MSI2: variants seen among roughly 807,000 people sequenced by gnomAD.
MSI2 encodes RNA-binding protein Musashi homolog 2.
Under a neutral mutation model 45.6 loss-of-function variants are expected in MSI2, and 17 were observed. The observed-to-expected ratio is 0.37, with a 90% CI of 0.26 to 0.56. The LOEUF is 0.56. Among genes scored for constraint, MSI2 ranks in the 20% least tolerant of loss-of-function variants. MSI2 has a pLI of 0.77. For missense variants in MSI2, 293 were observed against 444.2 expected (o/e 0.66, Z 3.06); for synonymous variants, 156 against 158.2 (o/e 0.99, Z 0.11).
At chr17:57,428,258 C>T (rs2084530934) in intron 6 of MSI2, among the ~76,000 whole-genome samples, 1 of 152,204 alleles carries the variant, frequency 6.6e-6, no homozygotes, top group African/African-American at 2.4e-5. Context: ...AGGTCTTACT[C>T]TGTCACCCAG....
intron 5 of MSI2, among the ~76,000 whole-genome samples, chr17:57,377,345 T>C (rs1366049858): frequency 6.6e-6 from 1 of 152,364 alleles, no homozygotes; most frequent in East Asian, 1.9e-4. Flanking sequence ...ATCCACTTCT[T>C]TCCTTAGATA....
At chr17:57,341,559 G>A (rs78749615) in intron 5 of MSI2, among the ~76,000 whole-genome samples, 1,967 of 152,274 alleles carry the variant, frequency 0.013, 43 homozygotes, top group African/African-American at 0.045. Context: ...CTGCCAAGGT[G>A]AGCCCTCCTC....
rs116950863 is a variant in MSI2, at chr17:57,370,570, T to C, written c.313-30809T>C. 7.9e-3 allele frequency among the ~76,000 whole-genome samples: 1,198 copies of C among 152,312 alleles called. 5 individuals are homozygous for C. Among genetic ancestry groups the C allele is most frequent in the Non-Finnish European group, 0.014 (969 of 68,030 alleles). On this transcript the variant is annotated intron_variant, in intron 5 of 13. Coordinates refer to ENST00000284073, the MANE Select transcript of MSI2 (RefSeq NM_138962.4). ...AGTCCTAAGACTGGAATGAGACTCC[T>C]GGGATTCAATGATGGCCAGTTGACC...
At chr17:57,402,138 C>T (rs935279482) in intron 6 of MSI2, among the ~76,000 whole-genome samples, 15 of 152,094 alleles carry the variant, frequency 9.9e-5, no homozygotes, top group African/African-American at 3.1e-4. Context: ...GACATGTCAC[C>T]GTGGGTGAGG....
At chr17:57,668,711 G>T (rs1382448882) in intron 11 of MSI2, among the ~76,000 whole-genome samples, 2 of 152,174 alleles carry the variant, frequency 1.3e-5, no homozygotes, top group African/African-American at 4.8e-5. Flanking sequence ...GGCTGCGTTT[G>T]TACCTCTCAG....
chr17:57,443,656 C>T (rs2084842741), intron 6 of MSI2, among the ~76,000 whole-genome samples: 1 of 152,280 alleles, frequency 6.6e-6, no homozygotes, highest in Non-Finnish European at 1.5e-5. Flanking sequence ...CTCCTCCCTG[C>T]CCCCTGAATG....
In MSI2 at chr17:57,529,607, A is replaced by C; in HGVS notation, c.406-69A>C. On this transcript the variant is annotated intron_variant, in intron 6 of 13. Coordinates refer to ENST00000284073, the MANE Select transcript of MSI2 (RefSeq NM_138962.4). This position sits in a 1 kb window ranked among gnomAD's most constrained non-coding sequence, Gnocchi z 5.3. ...GGAAACTACCCCCTCACCCCCCGAC[A>C]TGCATATAATGTTTTGTGTACTTTC... 1 of 1,390,798 alleles carries C rather than the reference A, an allele frequency of 7.2e-7. No individual in the cohort carries two copies. The highest frequency in any genetic ancestry group is 1.0e-6 in the Non-Finnish European group (1 of 982,576). The allele number at this position is 1,390,798 out of a possible 1,614,324, so 86.2% of individuals were successfully genotyped here.
At chr17:57,491,748 G>T (rs1225778932) in intron 6 of MSI2, among the ~76,000 whole-genome samples, 1 of 152,060 alleles carries the variant, frequency 6.6e-6, no homozygotes, top group Non-Finnish European at 1.5e-5. Flanking sequence ...TGATGATGAT[G>T]ATTTTTTCAA....
At chr17:57,425,642 A>G (rs963904885) in intron 6 of MSI2, among the ~76,000 whole-genome samples, 4 of 152,156 alleles carry the variant, frequency 2.6e-5, no homozygotes, top group Admixed American at 6.5e-5. Flanking sequence ...CTTAGTTAGG[A>G]TCATTTAGGT....
rs1910497859 is a variant in MSI2, at chr17:57,644,416, C to T, written c.728-7683C>T. Among the ~76,000 whole-genome samples the T allele has an allele frequency of 2.6e-5, 4 of 152,040 alleles. No homozygotes were observed. In the South Asian group the frequency reaches 8.3e-4, roughly 32 times the overall value. ...ACTCTCTCCCCTTTGCAGCCTCCAG[C>T]CACTGTCTTTCTCTGCACAGAAGTC... On this transcript the variant is annotated intron_variant, in intron 10 of 13. Coordinates refer to ENST00000284073, the MANE Select transcript of MSI2 (RefSeq NM_138962.4).
intron 6 of MSI2, among the ~76,000 whole-genome samples, chr17:57,461,998 C>T (rs2085239651): frequency 1.3e-5 from 2 of 152,154 alleles, no homozygotes; most frequent in Non-Finnish European, 2.9e-5. Context: ...ATGCCTTGTC[C>T]CACAGTTTGG....
At chr17:57,664,092 C>G (rs1912203457) in intron 11 of MSI2, among the ~76,000 whole-genome samples, 1 of 152,144 alleles carries the variant, frequency 6.6e-6, no homozygotes, top group Non-Finnish European at 1.5e-5. Context: ...TCCACCTCTA[C>G]TAAACGAGGA....
At chr17:57,691,193 T>C in the MSI2 span, among the ~76,000 whole-genome samples, 1 of 133,234 alleles carries the variant, frequency 7.5e-6, no homozygotes, top group Non-Finnish European at 1.6e-5. Flanking sequence ...TCTCTCTCTC[T>C]CTCTCTCATC....
chr17:57,542,916 T>C (rs1006896158), intron 7 of MSI2, among the ~76,000 whole-genome samples: 3 of 152,228 alleles, frequency 2.0e-5, no homozygotes, highest in African/African-American at 7.2e-5. Flanking sequence ...CACTTCTCAG[T>C]TCTTAATGAT....
At chr17:57,595,733 C>T (rs1010737528) in intron 7 of MSI2, among the ~76,000 whole-genome samples, 12 of 140,438 alleles carry the variant, frequency 8.5e-5, no homozygotes, top group African/African-American at 2.4e-4. Flanking sequence ...GGTGGGGGGT[C>T]GGGGGGCAGC....
chr17:57,345,372 C>G (rs1598150359), intron 5 of MSI2, among the ~76,000 whole-genome samples: 1 of 152,314 alleles, frequency 6.6e-6, no homozygotes, highest in East Asian at 1.9e-4. Context: ...CTCTCCTTCC[C>G]TGTTTCCCAA....
rs150808898 is a variant in MSI2, at chr17:57,404,211, A to G, written c.405+2740A>G. ...GGGTCTTGATGGGATTGTCTCTTGG[A>G]CTCAAGGTCACAGCTCTCCAGGAGG... On this transcript the variant is annotated intron_variant, in intron 6 of 13. Transcript: ENST00000284073. Among the ~76,000 whole-genome samples the G allele has an allele frequency of 2.4e-3, 358 of 151,808 alleles. 3 individuals carry two copies. Among genetic ancestry groups the G allele is most frequent in the African/African-American group, 8.3e-3 (342 of 41,370 alleles).
At chr17:57,450,697 A>AT (rs1567831377) in intron 6 of MSI2, among the ~76,000 whole-genome samples, 4 of 138,070 alleles carry the variant, frequency 2.9e-5, no homozygotes, top group South Asian at 2.3e-4. Context: ...AAAAAAAAAA[A>AT]GGTGAGTAAA....
At chr17:57,287,101 T>C (rs564452891) in intron 5 of MSI2, among the ~76,000 whole-genome samples, 2 of 151,048 alleles carry the variant, frequency 1.3e-5, no homozygotes, top group Admixed American at 6.6e-5. Context: ...ATCTCTATAG[T>C]ACCCTACAAA....
Sources: allele counts gnomAD v4.1 joint callset (sites outside exome capture counted in the v4.1 genomes callset), GRCh38; gene constraint gnomAD v4.1.1; non-coding constraint Gnocchi (gnomAD v3.1); transcripts MANE v1.5; gene names NCBI Gene and HGNC (gene_info 2026-07-23, HGNC 2026-07-21).